CDYL: variants seen among roughly 807,000 people sequenced by gnomAD.
The protein encoded by CDYL is chromodomain Y-like protein.
CDYL carries 8 observed loss-of-function variants against 47.3 expected under a neutral mutation model. That is an observed-to-expected ratio of 0.17 (90% CI 0.10 to 0.31). The LOEUF (loss-of-function observed/expected upper bound fraction) is 0.31, where lower values mean the gene tolerates loss of function less well. Ranked by LOEUF, CDYL falls within the 10% of genes least tolerant of loss-of-function variation. CDYL has a pLI of 1.00. For synonymous variants in CDYL, 266 were observed against 265.0 expected, an observed-to-expected ratio of 1.00 and a Z score of -0.04; for missense variants, 471 against 701.4, an observed-to-expected ratio of 0.67 and a Z score of 3.71.
chr6:4,941,464 A>G (rs1202451827), intron 4 of CDYL, among the ~76,000 whole-genome samples: 1 of 152,178 alleles, frequency 6.6e-6, no homozygotes, highest in Non-Finnish European at 1.5e-5. Flanking sequence ...AGGGCTCACT[A>G]TTCAGAATGG....
intron 1 of CDYL, among the ~76,000 whole-genome samples, chr6:4,857,999 C>T (rs1316924549): frequency 6.7e-6 from 1 of 150,116 alleles, no homozygotes; most frequent in East Asian, 2.0e-4. Context: ...TCTACCCGCC[C>T]CCGCCCCATC....
intron 2 of CDYL, among the ~76,000 whole-genome samples, chr6:4,922,098 C>CA (rs1385244812): frequency 6.6e-6 from 1 of 152,204 alleles, no homozygotes; most frequent in African/African-American, 2.4e-5. Context: ...GCACCCCTCA[C>CA]CTGCTCAGTG....
At chr6:4,816,498 C>CTTT (rs1332068497) in intron 1 of CDYL, among the ~76,000 whole-genome samples, 4 of 127,642 alleles carry the variant, frequency 3.1e-5, no homozygotes, top group African/African-American at 9.0e-5. Flanking sequence ...TTCTTTCTTT[C>CTTT]TTTTTTTTTT....
At chr6:4,818,489 G>A (rs868680794) in intron 1 of CDYL, among the ~76,000 whole-genome samples, 4 of 152,104 alleles carry the variant, frequency 2.6e-5, no homozygotes, top group East Asian at 1.9e-4. Flanking sequence ...TTGATTGTGC[G>A]GACCTTGGGG....
chr6:4,894,590 T>C (rs1347125621), intron 2 of CDYL, among the ~76,000 whole-genome samples: 1 of 152,180 alleles, frequency 6.6e-6, no homozygotes, highest in African/African-American at 2.4e-5. Flanking sequence ...TATCCATTCA[T>C]TTACTTCCAC....
intron 2 of CDYL, among the ~76,000 whole-genome samples, chr6:4,924,285 T>C (rs1241849557): frequency 6.6e-6 from 1 of 152,224 alleles, no homozygotes; most frequent in Admixed American, 6.5e-5. Context: ...ATCATTTTAA[T>C]TGCAGGAACC....
At chr6:4,900,943 G>A (rs753357659) in intron 2 of CDYL, among the ~76,000 whole-genome samples, 1 of 149,592 alleles carries the variant, frequency 6.7e-6, no homozygotes, top group Non-Finnish European at 1.5e-5. Context: ...GAGCTGTGGC[G>A]TGCATGCTTG....
intron 1 of CDYL, among the ~76,000 whole-genome samples, chr6:4,859,413 C>T (rs1761100488): frequency 6.6e-6 from 1 of 152,052 alleles, no homozygotes; most frequent in African/African-American, 2.4e-5. Flanking sequence ...GTTGGTTGCC[C>T]TTGCATCACA....
chr6:4,937,332 A>G (rs1758226812), intron 3 of CDYL, among the ~76,000 whole-genome samples: 1 of 151,304 alleles, frequency 6.6e-6, no homozygotes, highest in Non-Finnish European at 1.5e-5. Flanking sequence ...CATCTCTTAC[A>G]AAAAGGTTGA....
At chr6:4,924,999 G>A (rs1295796887) in intron 2 of CDYL, among the ~76,000 whole-genome samples, 2 of 152,218 alleles carry the variant, frequency 1.3e-5, no homozygotes, top group Non-Finnish European at 2.9e-5. Context: ...GTAGAAGTGG[G>A]CCTTGGAAGG....
At chr6:4,724,116 C>T (rs1279305668) in intron 2 of CDYL, among the ~76,000 whole-genome samples, 5 of 152,342 alleles carry the variant, frequency 3.3e-5, no homozygotes, top group South Asian at 2.1e-4. Flanking sequence ...TCTTGGCTCA[C>T]TATAACCTTG....
chr6:4,710,610 C>T (rs1163361818), intron 1 of CDYL, among the ~76,000 whole-genome samples: 1 of 152,082 alleles, frequency 6.6e-6, no homozygotes, highest in East Asian at 1.9e-4. Flanking sequence ...GTTTCACAGG[C>T]CCATCCAATC....
intron 2 of CDYL, among the ~76,000 whole-genome samples, chr6:4,720,720 A>G (rs7745237): frequency 0.13 from 19,501 of 152,240 alleles, 1,527 homozygotes; most frequent in African/African-American, 0.23. Context: ...AAATGGCAGG[A>G]GTAAAGGGAT....
intron 2 of CDYL, among the ~76,000 whole-genome samples, chr6:4,725,989 C>T (rs907839553): frequency 1.3e-5 from 2 of 151,876 alleles, no homozygotes; most frequent in Non-Finnish European, 2.9e-5. Context: ...GTCTACAACT[C>T]CTGACTTGCT....
chr6:4,803,805 G>T (rs1307526305), intron 1 of CDYL, among the ~76,000 whole-genome samples: 1 of 146,800 alleles, frequency 6.8e-6, no homozygotes, highest in African/African-American at 2.5e-5. Flanking sequence ...GCTTGTAAAT[G>T]ATGTATTTTT....
At chr6:4,800,869 A>T (rs1759207573) in intron 1 of CDYL, among the ~76,000 whole-genome samples, 2 of 152,074 alleles carry the variant, frequency 1.3e-5, no homozygotes. Flanking sequence ...GATTTTGTTT[A>T]TCCTTGGCTT....
rs146800778 is a variant in CDYL, at chr6:4,786,704, G to A, written c.24+9897G>A. 5.3e-4 allele frequency among the ~76,000 whole-genome samples: 81 copies of A among 152,136 alleles called. No homozygotes were observed. In the East Asian group the frequency reaches 0.015, roughly 28 times the overall value. ...GTGCTGTTGCCTTGAGCTGGTTGTG[G>A]GAGCATTTGTAGGGTCCCTGTTGGA... is the stretch of plus-strand genomic sequence containing the variant. On this transcript the variant is annotated intron_variant, in intron 1 of 6. Coordinates refer to ENST00000397588, the MANE Select transcript of CDYL (RefSeq NM_004824.4).
At chr6:4,789,523 G>A (rs986607714) in intron 1 of CDYL, among the ~76,000 whole-genome samples, 1 of 152,142 alleles carries the variant, frequency 6.6e-6, no homozygotes, top group African/African-American at 2.4e-5. Flanking sequence ...CCCACTCCCA[G>A]TGGGCAGGAA....
chr6:4,827,714 G>A (rs796529686), intron 1 of CDYL, among the ~76,000 whole-genome samples: 10 of 152,280 alleles, frequency 6.6e-5, no homozygotes, highest in African/African-American at 2.4e-4. Context: ...GGAGCGCAGT[G>A]GCATGATCTC....
Sources: allele counts gnomAD v4.1 joint callset (sites outside exome capture counted in the v4.1 genomes callset), GRCh38; gene constraint gnomAD v4.1.1; transcripts MANE v1.5; gene names NCBI Gene and HGNC (gene_info 2026-07-23, HGNC 2026-07-21).